The following ZNF385D variants were observed in gnomAD, a reference collection of about 807,000 sequenced individuals.
ZNF385D encodes the protein zinc finger protein 385D.
A neutral mutation model predicts 35.8 loss-of-function variants in ZNF385D; 15 were observed. The observed-to-expected ratio is 0.42, with a 90% CI of 0.28 to 0.64. The LOEUF is 0.64. Ranked by LOEUF, ZNF385D falls within the 30% of genes least tolerant of loss-of-function variation. The probability of loss-of-function intolerance (pLI) is 0.23; values close to 1 mark genes in which losing one functional copy is unlikely to be tolerated. For synonymous variants in ZNF385D, 212 were observed against 186.8 expected (o/e 1.13, Z -1.10); for missense variants, 474 against 494.6 (o/e 0.96, Z 0.39).
chr3:22,017,616 C>T (rs1240631908), intron 3 of ZNF385D, among the ~76,000 whole-genome samples: 1 of 151,586 alleles, frequency 6.6e-6, no homozygotes, highest in African/African-American at 2.4e-5. Flanking sequence ...TCCATTTTTT[C>T]CTTACTGGGT....
At chr3:22,007,400 ATTTAG>A (rs1054288615) in intron 3 of ZNF385D, among the ~76,000 whole-genome samples, 6 of 152,186 alleles carry the variant, frequency 3.9e-5, no homozygotes, top group Non-Finnish European at 8.8e-5. Flanking sequence ...ATGGATATTT[ATTTAG>A]TTTGTTTTCC....
chr3:21,887,592 T>A (rs1051867045), intron 3 of ZNF385D, among the ~76,000 whole-genome samples: 2 of 152,074 alleles, frequency 1.3e-5, no homozygotes, highest in Admixed American at 1.3e-4. Flanking sequence ...TTTGCTCTCA[T>A]GGAAATTGTT....
At chr3:22,015,384 C>G (rs575116551) in intron 3 of ZNF385D, among the ~76,000 whole-genome samples, 6 of 152,254 alleles carry the variant, frequency 3.9e-5, no homozygotes, top group Admixed American at 1.3e-4. Flanking sequence ...ATCATGAACA[C>G]CTAAGTCAAC....
rs576103476 is a variant in ZNF385D, at chr3:22,201,207, A to G, written c.107-32172T>C. 2.7e-3 allele frequency among the ~76,000 whole-genome samples: 404 copies of G among 152,262 alleles called. 2 individuals carry two copies. The highest frequency in any genetic ancestry group is 8.2e-3 in the African/African-American group (341 of 41,574). ...AAAGTATTAATTTGGGGAACTAATA[A>G]ATGTCCATGAAATCTTCACAATCCA... On this transcript the variant is annotated intron_variant, in intron 2 of 5. Transcript: ENST00000494108.
chr3:21,979,096 A>C (rs1039488527), intron 3 of ZNF385D, among the ~76,000 whole-genome samples: 2 of 152,146 alleles, frequency 1.3e-5, no homozygotes, highest in Non-Finnish European at 2.9e-5. Flanking sequence ...AGTACATGCC[A>C]ATTTTTTTTC....
intron 3 of ZNF385D, among the ~76,000 whole-genome samples, chr3:22,085,466 G>C (rs553237628): frequency 1.6e-4 from 24 of 152,240 alleles, no homozygotes; most frequent in African/African-American, 5.3e-4. Context: ...AAATAAACTA[G>C]AAAATCTAGA....
At chr3:21,832,021 A>C (rs1208547260) in intron 3 of ZNF385D, among the ~76,000 whole-genome samples, 1 of 152,210 alleles carries the variant, frequency 6.6e-6, no homozygotes, top group African/African-American at 2.4e-5. Context: ...ACCACTCCAG[A>C]TTTACTTATA....
chr3:21,704,620 T>C (rs984020457), intron 1 of ZNF385D, among the ~76,000 whole-genome samples: 1 of 151,952 alleles, frequency 6.6e-6, no homozygotes, highest in Non-Finnish European at 1.5e-5. Context: ...GCGATTCTTT[T>C]CCCTTAGTCA....
intron 2 of ZNF385D, among the ~76,000 whole-genome samples, chr3:22,368,543 C>T (rs747835991): frequency 2.6e-5 from 4 of 152,120 alleles, no homozygotes; most frequent in Non-Finnish European, 5.9e-5. Context: ...ATTTGTTTAT[C>T]ACAGTTCTGG....
At chr3:21,590,674 C>A (rs974593716) in intron 2 of ZNF385D, among the ~76,000 whole-genome samples, 1 of 151,896 alleles carries the variant, frequency 6.6e-6, no homozygotes, top group African/African-American at 2.4e-5. Flanking sequence ...TTCTTTTTTT[C>A]TTCCTTTCAT....
intron 3 of ZNF385D, among the ~76,000 whole-genome samples, chr3:22,121,307 C>A (rs1703077374): frequency 1.3e-5 from 2 of 152,114 alleles, no homozygotes; most frequent in African/African-American, 4.8e-5. Flanking sequence ...GGAGAGAAAC[C>A]GTTTCCCTTC....
chr3:22,003,222 C>G (rs1685501552), intron 3 of ZNF385D, among the ~76,000 whole-genome samples: 1 of 152,160 alleles, frequency 6.6e-6, no homozygotes, highest in African/African-American at 2.4e-5. Context: ...AAGAATTCAG[C>G]TAACTTGCAG....
chr3:22,366,987 T>C (rs999504504), intron 2 of ZNF385D, among the ~76,000 whole-genome samples: 1 of 152,312 alleles, frequency 6.6e-6, no homozygotes, highest in African/African-American at 2.4e-5. Context: ...AGCAAATCTT[T>C]GCCAACATCT....
chr3:21,620,949 G>A (rs1289513586), intron 2 of ZNF385D, among the ~76,000 whole-genome samples: 2 of 152,082 alleles, frequency 1.3e-5, no homozygotes, highest in Non-Finnish European at 2.9e-5. Context: ...GCAACGCTAT[G>A]TGCCTGTGTG....
chr3:21,854,554 T>C (rs1311295073), intron 3 of ZNF385D, among the ~76,000 whole-genome samples: 2 of 151,994 alleles, frequency 1.3e-5, no homozygotes, highest in Non-Finnish European at 2.9e-5. Flanking sequence ...ACCAGGCATT[T>C]TATTTTACTC....
intron 3 of ZNF385D, among the ~76,000 whole-genome samples, chr3:21,554,147 T>G (rs983170626): frequency 1.3e-5 from 2 of 152,168 alleles, no homozygotes; most frequent in Non-Finnish European, 2.9e-5. Context: ...GGAATCACTA[T>G]CTATGGTAGC....
rs148801518 is a variant in ZNF385D, at chr3:21,504,873, T to C, written c.439+5988A>G. 2.3e-3 allele frequency among the ~76,000 whole-genome samples: 352 copies of C among 152,270 alleles called. 1 individual carries two copies. The highest frequency in any genetic ancestry group is 8.0e-3 in the African/African-American group (332 of 41,568). ...GAATGGGTAAGAGATGTGGTTTATG[T>C]ACTGTAGAGTATAACTGGAGAGTAA... On this transcript the variant is annotated intron_variant, in intron 4 of 7. Transcript: ENST00000281523.
At chr3:21,939,628 GATGA>G (rs766501224) in intron 3 of ZNF385D, among the ~76,000 whole-genome samples, 16 of 152,138 alleles carry the variant, frequency 1.1e-4, no homozygotes, top group South Asian at 2.1e-4. Flanking sequence ...AGAAAATATA[GATGA>G]ATGGAGAGAA....
At chr3:22,248,279 T>A (rs930201528) in intron 2 of ZNF385D, among the ~76,000 whole-genome samples, 2 of 152,228 alleles carry the variant, frequency 1.3e-5, no homozygotes, top group African/African-American at 4.8e-5. Flanking sequence ...CCACACACAG[T>A]TGTATGGGAG....
Sources: gnomAD v4.1 joint callset for allele counts (sites outside exome capture counted in the v4.1 genomes callset) on GRCh38, gnomAD v4.1.1 for gene constraint, MANE v1.5 for transcripts, NCBI Gene and HGNC (gene_info 2026-07-23, HGNC 2026-07-21) for gene names.